CTR9: variants seen among roughly 807,000 people sequenced by gnomAD.
The protein encoded by CTR9 is CTR9 component of Paf1/RNA polymerase II complex, also known as RNA polymerase-associated protein CTR9 homolog.
In CTR9, 41 loss-of-function variants were observed where a neutral mutation model predicts 152.1. That is an observed-to-expected ratio of 0.27 (90% CI 0.21 to 0.35). CTR9 has a LOEUF of 0.35. Among genes scored for constraint, CTR9 ranks in the 10% least tolerant of loss-of-function variants. The pLI is 1.00. For synonymous variants in CTR9, 476 were observed against 496.2 expected (o/e 0.96, Z 0.54); for missense variants, 917 against 1,424.4 (o/e 0.64, Z 5.73).
At chr11:10,772,380 C>A (rs1863156971) in intron 19 of CTR9, 140 bp from the exon 20 acceptor site, 1 of 717,794 alleles carries the variant, frequency 1.4e-6, no homozygotes, top group Non-Finnish European at 2.0e-6. Context: ...AGAAAAAAAA[C>A]ATTTTTTTAA....
At chr11:10,777,246 T>A (rs902267197) in intron 24 of CTR9, among the ~76,000 whole-genome samples, 8 of 151,870 alleles carry the variant, frequency 5.3e-5, no homozygotes, top group African/African-American at 1.5e-4. Context: ...AGATTTGCAG[T>A]TCTGGCCAGG....
In CTR9 at chr11:10,763,886, CT is replaced by C. The variant is rs759756278; in HGVS notation, c.1194+15del. ...AAAACGAGATATTGCCAAGGTACATCTTTTTTTTAAAGTCTTAGCTGTTTTC... is the reference window on the plus strand; with the variant it reads ...AAAACGAGATATTGCCAAGGTACATCTTTTTTTAAAGTCTTAGCTGTTTTC... On this transcript the variant is annotated splice_region_variant and intron_variant, in intron 9 of 24. Coordinates refer to ENST00000361367, the MANE Select transcript of CTR9 (RefSeq NM_014633.5). The C allele has an allele frequency of 4.7e-5, 75 of 1,582,608 alleles. 1 individual carries two copies. The Middle Eastern group carries it at 1.9e-3, about 39-fold the overall frequency.
chr11:10,769,428 G>A (rs1206544715), intron 16 of CTR9, among the ~76,000 whole-genome samples: 2 of 152,170 alleles, frequency 1.3e-5, no homozygotes, highest in Non-Finnish European at 2.9e-5. Context: ...AAAAAGAGCA[G>A]TCCAGGCTCC....
In CTR9 at chr11:10,766,497, A is replaced by G. The variant is rs1444008698; in HGVS notation, c.1686+7A>G. On this transcript the variant is annotated splice_region_variant and intron_variant, in intron 13 of 24. Coordinates refer to ENST00000361367, the MANE Select transcript of CTR9 (RefSeq NM_014633.5). ...AGCTCTTCAGATTAATCAGGTTGGT[A>G]ATATTAACTCTTAGGTTTGAGAAAT... 6.4e-7 allele frequency: 1 copy of G among 1,564,114 alleles called. No individual in the cohort carries two copies. Among genetic ancestry groups the G allele is most frequent in the South Asian group, 1.2e-5 (1 of 84,538 alleles).
intron 18 of CTR9, among the ~76,000 whole-genome samples, chr11:10,771,294 T>C (rs1307104322): frequency 2.0e-5 from 3 of 152,224 alleles, no homozygotes; most frequent in Admixed American, 1.3e-4. Context: ...ATTTAGTAAA[T>C]TTCATGTTTA....
chr11:10,760,339 G>A lies in CTR9; in HGVS notation c.741+18G>A. The A allele has an allele frequency of 6.2e-7, 1 of 1,605,866 alleles. No homozygotes were observed. Among genetic ancestry groups the A allele is most frequent in the Non-Finnish European group, 8.5e-7 (1 of 1,174,150 alleles). On this transcript the variant is annotated intron_variant, in intron 6 of 24. Coordinates refer to ENST00000361367, the MANE Select transcript of CTR9 (RefSeq NM_014633.5). ...ATAAAGAGGTATGTAAATGAAAAAAGTATCTAGCTCCTAACTGCTTTGTCA... is the reference window on the plus strand; with the variant it reads ...ATAAAGAGGTATGTAAATGAAAAAAATATCTAGCTCCTAACTGCTTTGTCA...
chr11:10,774,268 A>T (rs1044621302), intron 22 of CTR9, 99 bp downstream of exon 22: 4 of 1,419,872 alleles, frequency 2.8e-6, no homozygotes, highest in Non-Finnish European at 3.8e-6. Flanking sequence ...TGAACACTTG[A>T]TCCAAACAGT....
rs574272777 is a variant in CTR9, at chr11:10,761,970, C to G, written c.765C>G (p.Val255=). ...NKEADSIKNG[V]QLLSRAYTID... ...AGGCTGATTCCATTAAAAATGGTGT[C>G]CAGCTTCTTTCCAGAGCCTATACTA... The change falls in exon 7 of 25, where the codon GTC becomes GTG. Residue 255 remains valine, a synonymous_variant. Coordinates refer to ENST00000361367, the MANE Select transcript of CTR9 (RefSeq NM_014633.5). 3 of 1,608,564 alleles carry G rather than the reference C, an allele frequency of 1.9e-6. No homozygotes were observed. In the African/African-American group the frequency reaches 4.0e-5, roughly 22 times the overall value.
chr11:10,763,170 CAG>C (rs1017866917), intron 7 of CTR9, among the ~76,000 whole-genome samples: 2 of 145,422 alleles, frequency 1.4e-5, no homozygotes, highest in Admixed American at 1.3e-4. Flanking sequence ...TTTCTACAGC[CAG>C]AGAGAGTAAA....
intron 18 of CTR9, 134 bp downstream of exon 18, chr11:10,770,766 C>A: frequency 1.2e-6 from 1 of 821,650 alleles, no homozygotes; most frequent in Non-Finnish European, 1.8e-6. Context: ...TCACTTCCTT[C>A]TAAAGGTGGT....
intron 1 of CTR9, 91 bp from the exon 2 acceptor site, chr11:10,752,581 A>G (rs1862822404): frequency 3.6e-6 from 3 of 844,120 alleles, no homozygotes; most frequent in Non-Finnish European, 6.1e-6. Context: ...CTCTATGTAT[A>G]TGCATGTTGA....
At chr11:10,764,052 C>G in intron 9 of CTR9, 60 bp from the exon 10 acceptor site, 1 of 1,546,698 alleles carries the variant, frequency 6.5e-7, no homozygotes, top group Middle Eastern at 1.7e-4. Context: ...ATAGCCCCCA[C>G]TTTTTATTTT....
At position 10,774,049 on chromosome 11, in the gene CTR9, A is replaced by T; in HGVS notation, c.2765A>T (p.Asn922Ile). 6.2e-7 allele frequency: 1 copy of T among 1,613,334 alleles called. No homozygotes were observed. The highest frequency in any genetic ancestry group is 1.1e-5 in the South Asian group (1 of 90,926). Residue 922 changes from asparagine (N) to isoleucine (I), a missense_variant, in exon 22 of 25, where the codon AAT becomes ATT. Around this residue, in one of 9 missense-constraint regions of CTR9, gnomAD observed 384 missense variants for 398.4 expected, o/e 0.96. Transcript: ENST00000361367. ...KKGGEFDEFV[N>I]DDTDDDLPIS... ...GGAGGAGAGTTTGATGAATTTGTCA[A>T]TGATGACACTGATGATGACCTACCT...
At chr11:10,770,055 C>CA (rs1863119205) in intron 16 of CTR9, among the ~76,000 whole-genome samples, 155 bp from the exon 17 acceptor site, 1 of 152,146 alleles carries the variant, frequency 6.6e-6, no homozygotes, top group South Asian at 2.1e-4. Context: ...TGATGAATGT[C>CA]AAAAATCATT....
At chr11:10,775,714 G>A in intron 24 of CTR9, 81 bp downstream of exon 24, 2 of 864,432 alleles carry the variant, frequency 2.3e-6, no homozygotes, top group African/African-American at 1.8e-5. Context: ...TCTGTACTAA[G>A]AAAAATATAC....
chr11:10,756,864 C>T, intron 5 of CTR9, 26 bp downstream of exon 5: 2 of 1,433,032 alleles, frequency 1.4e-6, no homozygotes, highest in Non-Finnish European at 9.8e-7. Flanking sequence ...TATTTTATGT[C>T]TAAACTGTGT....
rs1862894269 is a variant in CTR9, at chr11:10,756,962, G to T, written c.592+124G>T. On this transcript the variant is annotated intron_variant, in intron 5 of 24. Transcript: ENST00000361367. ...TGGATTATAGAAATGTCAGAATCAA[G>T]TTTTTTTTTTGATGCTATGTTTGAG... 7.6e-6 allele frequency: 5 copies of T among 657,296 alleles called. No homozygotes were observed. In the South Asian group the frequency reaches 9.7e-5, roughly 13 times the overall value. 40.7% of individuals were successfully genotyped at this position (657,296 alleles called of 1,614,324 possible).
chr11:10,764,298 G>A lies in CTR9; in HGVS notation c.1285-10G>A. ...ACTTACACCTTTTTCTGTCAATCATGAAAATACAGGGTGCCCTTTCAGCCT... is the reference window on the plus strand; with the variant it reads ...ACTTACACCTTTTTCTGTCAATCATAAAAATACAGGGTGCCCTTTCAGCCT... On this transcript the variant is annotated splice_polypyrimidine_tract_variant and intron_variant, in intron 10 of 24. Transcript: ENST00000361367. 1.2e-6 allele frequency: 2 copies of A among 1,613,918 alleles called. No homozygotes were observed. Among genetic ancestry groups the A allele is most frequent in the East Asian group, 2.2e-5 (1 of 44,876 alleles).
At chr11:10,776,486 A>C (rs1201997515) in intron 24 of CTR9, among the ~76,000 whole-genome samples, 1 of 152,168 alleles carries the variant, frequency 6.6e-6, no homozygotes, top group Non-Finnish European at 1.5e-5. Context: ...TGGATTTCTC[A>C]ACCAGGTCTC....
Sources: allele counts gnomAD v4.1 joint callset (sites outside exome capture counted in the v4.1 genomes callset), GRCh38; gene constraint gnomAD v4.1.1; regional missense constraint gnomAD v4.1.1; transcripts MANE v1.5; gene names NCBI Gene and HGNC (gene_info 2026-07-23, HGNC 2026-07-21).